Variants in MED13L observed in about 807,000 individuals in gnomAD.
MED13L encodes mediator complex subunit 13L, also known as mediator of RNA polymerase II transcription subunit 13-like.
MED13L carries 7 observed loss-of-function variants against 220.9 expected under a neutral mutation model. The ratio of observed to expected loss-of-function variants is 0.03; its 90% CI spans 0.02 to 0.06. The LOEUF is 0.06. Ranked by LOEUF, MED13L falls within the 10% of genes least tolerant of loss-of-function variation. The probability of loss-of-function intolerance (pLI) is 1.00; values close to 1 mark genes in which losing one functional copy is unlikely to be tolerated. For synonymous variants in MED13L, 1,011 were observed against 1,015.2 expected (o/e 1.00, Z 0.08); for missense variants, 1,965 against 2,760.5 (o/e 0.71, Z 6.46).
At chr12:115,965,134 T>C (rs1876054227) in intron 29 of MED13L, among the ~76,000 whole-genome samples, 1 of 152,232 alleles carries the variant, frequency 6.6e-6, no homozygotes, top group African/African-American at 2.4e-5. Context: ...TCTGAAAATA[T>C]ACACAGCTAT....
chr12:116,149,478 TA>T (rs779209824), intron 2 of MED13L, among the ~76,000 whole-genome samples: 14 of 152,232 alleles, frequency 9.2e-5, no homozygotes, highest in Non-Finnish European at 4.4e-5. Context: ...TTTTCTTTTT[TA>T]ATTCTCATTT....
intron 4 of MED13L, among the ~76,000 whole-genome samples, chr12:116,027,210 T>C (rs1880448794): frequency 1.3e-5 from 2 of 152,116 alleles, no homozygotes; most frequent in East Asian, 3.9e-4. Flanking sequence ...ATCGCTGAGC[T>C]CAGGAGTTCA....
At chr12:116,144,825 G>A (rs1429882103) in intron 2 of MED13L, among the ~76,000 whole-genome samples, 2 of 152,066 alleles carry the variant, frequency 1.3e-5, no homozygotes, top group Non-Finnish European at 2.9e-5. Context: ...GTACATTACC[G>A]TATCTAAGGA....
At chr12:116,240,000 T>C (rs553932194) in intron 1 of MED13L, among the ~76,000 whole-genome samples, 8 of 152,226 alleles carry the variant, frequency 5.3e-5, no homozygotes, top group Non-Finnish European at 8.8e-5. Context: ...AGACAGTGTC[T>C]GGGACATAGC....
intron 2 of MED13L, among the ~76,000 whole-genome samples, chr12:116,114,360 C>A (rs1267843926): frequency 2.6e-5 from 4 of 152,188 alleles, no homozygotes; most frequent in African/African-American, 9.6e-5. Context: ...GAACACTGAA[C>A]AATTAATGAG....
chr12:116,000,427 T>G (rs927078981), intron 14 of MED13L, among the ~76,000 whole-genome samples: 3 of 152,188 alleles, frequency 2.0e-5, no homozygotes, highest in Non-Finnish European at 2.9e-5. Flanking sequence ...CAGCGGGAAC[T>G]CATAAGACAC....
chr12:116,075,514 T>A (rs937970305), intron 4 of MED13L, among the ~76,000 whole-genome samples: 1 of 152,228 alleles, frequency 6.6e-6, no homozygotes, highest in Non-Finnish European at 1.5e-5. Flanking sequence ...ACCAGGTATG[T>A]AGTCAACACT....
Position 116,103,964 on chromosome 12 carries a change from G to A in MED13L, c.396-7212C>T, listed in dbSNP as rs139240148. Among the ~76,000 whole-genome samples the A allele has an allele frequency of 1.6e-3, 226 of 141,564 alleles. 1 individual carries two copies. Among genetic ancestry groups the A allele is most frequent in the East Asian group, 0.01 (47 of 4,660 alleles). The allele number at this position is 141,564 out of a possible 152,430, so 92.9% of individuals were successfully genotyped here. A position where few individuals can be genotyped will look rare whatever the true frequency, so the allele number is the denominator to read the frequency against. Reference sequence around the variant, plus strand: ...CATGCTCCAGTGAGTATGTTATTCTGAAATCCCTTCACCACCACATCCAAG... The same window carrying A: ...CATGCTCCAGTGAGTATGTTATTCTAAAATCCCTTCACCACCACATCCAAG... On this transcript the variant is annotated intron_variant, in intron 3 of 30. Transcript: ENST00000281928.
chr12:116,083,469 A>C (rs1224481610), intron 4 of MED13L, among the ~76,000 whole-genome samples: 1 of 151,012 alleles, frequency 6.6e-6, no homozygotes, highest in Non-Finnish European at 1.5e-5. Flanking sequence ...CTCAGGGTTT[A>C]GAAACGAAAA....
chr12:116,155,309 G>C (rs1424823762), intron 2 of MED13L, among the ~76,000 whole-genome samples: 1 of 152,074 alleles, frequency 6.6e-6, no homozygotes, highest in Non-Finnish European at 1.5e-5. Flanking sequence ...CAAAGTCCCA[G>C]CTACTTGGGA....
chr12:116,111,747 G>A (rs769314691), intron 2 of MED13L, among the ~76,000 whole-genome samples: 2 of 152,094 alleles, frequency 1.3e-5, no homozygotes, highest in African/African-American at 2.4e-5. Flanking sequence ...GAGGCATGGT[G>A]TAACACTCCT....
chr12:115,966,219 T>C lies in MED13L; in HGVS notation c.6250A>G (p.Arg2084Gly). 6.2e-7 allele frequency: 1 copy of C among 1,614,128 alleles called. No homozygotes were observed. Among genetic ancestry groups the C allele is most frequent in the Non-Finnish European group, 8.5e-7 (1 of 1,180,020 alleles). ...TGCTTTAGCTCCTCTGGTGCTTCTCTAGAAAGAAGACGCTCACCCTGGCTC... is the reference window on the plus strand; with the variant it reads ...TGCTTTAGCTCCTCTGGTGCTTCTCCAGAAAGAAGACGCTCACCCTGGCTC... ...SRSQGERLLSREAPEELKQQP... is the reference protein window; with the variant it reads ...SRSQGERLLSGEAPEELKQQP... The change falls in exon 29 of 31, where the codon AGA (arginine) becomes GGA (glycine). Residue 2084 changes from arginine (R) to glycine (G), a missense_variant. Arg to Gly is a moderately radical substitution (Grantham distance 125). Coordinates refer to ENST00000281928, the MANE Select transcript of MED13L (RefSeq NM_015335.5).
intron 24 of MED13L, 98 bp from the exon 25 acceptor site, chr12:115,975,411 T>C: frequency 6.3e-7 from 1 of 1,598,710 alleles, no homozygotes; most frequent in East Asian, 2.3e-5. Context: ...AAAGAACCTA[T>C]CCATGCTGTA....
At chr12:116,222,527 TGA>T (rs1435070967) in intron 2 of MED13L, among the ~76,000 whole-genome samples, 3 of 152,148 alleles carry the variant, frequency 2.0e-5, no homozygotes, top group Non-Finnish European at 4.4e-5. Context: ...AAAAAGAGAA[TGA>T]GAGATGGCTC....
chr12:116,086,379 G>T (rs1871690669), intron 4 of MED13L, among the ~76,000 whole-genome samples: 1 of 151,268 alleles, frequency 6.6e-6, no homozygotes, highest in Non-Finnish European at 1.5e-5. Context: ...CGCCTCCCGG[G>T]TTCAAGCGAT....
At chr12:116,260,130 T>C (rs1353825712) in intron 1 of MED13L, among the ~76,000 whole-genome samples, 1 of 152,188 alleles carries the variant, frequency 6.6e-6, no homozygotes, top group South Asian at 2.1e-4. Flanking sequence ...TCATTAGTAC[T>C]ACCTCACTTG....
At chr12:116,122,463 A>C (rs536600206) in intron 2 of MED13L, among the ~76,000 whole-genome samples, 1 of 152,292 alleles carries the variant, frequency 6.6e-6, no homozygotes, top group South Asian at 2.1e-4. Context: ...ACTTCAACCT[A>C]TTTAGAGCTC....
At chr12:116,064,550 GA>G (rs898000167) in intron 4 of MED13L, among the ~76,000 whole-genome samples, 2 of 152,162 alleles carry the variant, frequency 1.3e-5, no homozygotes, top group African/African-American at 4.8e-5. Flanking sequence ...AAGAAAGTAT[GA>G]CCGAAAGCAA....
In MED13L at chr12:116,012,793, C is replaced by T; in HGVS notation, c.1280+4G>A. On this transcript the variant is annotated splice_donor_region_variant and intron_variant, in intron 9 of 30. Coordinates refer to ENST00000281928, the MANE Select transcript of MED13L (RefSeq NM_015335.5). ...ATTACTATTTTGCCTTTTTTATTACCTACCTGGAACAAGAACAGCTGACTC... is the reference window on the plus strand; with the variant it reads ...ATTACTATTTTGCCTTTTTTATTACTTACCTGGAACAAGAACAGCTGACTC... 1.2e-6 allele frequency: 2 copies of T among 1,606,268 alleles called. No homozygotes were observed. The highest frequency in any genetic ancestry group is 1.3e-5 in the African/African-American group (1 of 74,858).
Sources: allele counts gnomAD v4.1 joint callset (sites outside exome capture counted in the v4.1 genomes callset), GRCh38; gene constraint gnomAD v4.1.1; transcripts MANE v1.5; gene names NCBI Gene and HGNC (gene_info 2026-07-23, HGNC 2026-07-21).